Variants in TMEM132D observed in about 807,000 individuals in gnomAD.
TMEM132D encodes mature OL transmembrane protein.
Under a neutral mutation model 62.3 loss-of-function variants are expected in TMEM132D, and 21 were observed. That is an observed-to-expected ratio of 0.34 (90% CI 0.24 to 0.49). TMEM132D has a LOEUF of 0.49. TMEM132D is among the 20% of genes least tolerant of loss of function. TMEM132D has a pLI of 0.99. For missense variants in TMEM132D, 1,346 were observed against 1,402.8 expected (o/e 0.96, Z 0.65); for synonymous variants, 621 against 575.6 (o/e 1.08, Z -1.13).
chr12:129,645,927 T>C (rs953230299), intron 2 of TMEM132D, among the ~76,000 whole-genome samples: 2 of 152,088 alleles, frequency 1.3e-5, no homozygotes, highest in African/African-American at 4.8e-5. Context: ...AACCCTCAGT[T>C]CCAGGAACTC....
intron 5 of TMEM132D, among the ~76,000 whole-genome samples, chr12:129,164,612 T>TA: frequency 6.6e-6 from 1 of 152,294 alleles, no homozygotes; most frequent in Middle Eastern, 3.4e-3. Flanking sequence ...TCAGGAAACT[T>TA]ACAATCATGG....
chr12:129,647,098 C>A (rs1225103218), intron 2 of TMEM132D, among the ~76,000 whole-genome samples: 1 of 109,680 alleles, frequency 9.1e-6, no homozygotes, highest in East Asian at 2.2e-4. Flanking sequence ...CTGCGCCCAA[C>A]CACATGTTTT....
At chr12:129,231,794 T>A (rs1879647757) in intron 4 of TMEM132D, among the ~76,000 whole-genome samples, 2 of 152,142 alleles carry the variant, frequency 1.3e-5, no homozygotes, top group South Asian at 4.1e-4. Context: ...AATAATTACA[T>A]GAGAAAACAT....
intron 2 of TMEM132D, among the ~76,000 whole-genome samples, chr12:129,619,375 CTG>C (rs1358451381): frequency 6.6e-6 from 1 of 152,312 alleles, no homozygotes; most frequent in South Asian, 2.1e-4. Flanking sequence ...TTTTATCACA[CTG>C]TGATAGCAGA....
At chr12:129,780,855 T>A (rs546953427) in intron 1 of TMEM132D, among the ~76,000 whole-genome samples, 1 of 152,298 alleles carries the variant, frequency 6.6e-6, no homozygotes, top group Non-Finnish European at 1.5e-5. Context: ...TTAATAACCA[T>A]GTTTCTGGGG....
At chr12:129,196,826 C>T (rs1878564344) in intron 5 of TMEM132D, among the ~76,000 whole-genome samples, 1 of 152,088 alleles carries the variant, frequency 6.6e-6, no homozygotes, top group African/African-American at 2.4e-5. Context: ...ACAATCTCAC[C>T]TAGAAATGCA....
At chr12:129,088,094 C>T (rs1159759872) in intron 5 of TMEM132D, among the ~76,000 whole-genome samples, 1 of 59,230 alleles carries the variant, frequency 1.7e-5, no homozygotes, top group Non-Finnish European at 3.0e-5. Flanking sequence ...GGGTGTCCTC[C>T]CTGACCGGGG....
intron 4 of TMEM132D, among the ~76,000 whole-genome samples, chr12:129,331,848 T>C (rs1409670509): frequency 1.3e-5 from 2 of 152,166 alleles, no homozygotes; most frequent in Non-Finnish European, 2.9e-5. Context: ...TTGAAGAACT[T>C]TGAGAAACGG....
rs56805583 is a variant in TMEM132D at position 129,193,157 on chromosome 12, CAAAAAA to C, written c.1443+16357_1443+16362del. ...TGGGTGACAGAGTGAGATTCTGTCTCAAAAAAAAAAAAAAAAAAAAAGATACAACAG... is the reference window on the plus strand; with the variant it reads ...TGGGTGACAGAGTGAGATTCTGTCTCAAAAAAAAAAAAAAAGATACAACAG... On this transcript the variant is annotated intron_variant, in intron 5 of 8. Coordinates refer to ENST00000422113, the MANE Select transcript of TMEM132D (RefSeq NM_133448.3). Among the ~76,000 whole-genome samples the C allele has an allele frequency of 2.2e-4, 25 of 114,938 alleles. 1 individual carries two copies. Among genetic ancestry groups the C allele is most frequent in the East Asian group, 7.6e-4 (3 of 3,932 alleles). The allele number at this position is 114,938 out of a possible 152,430, so 75.4% of individuals were successfully genotyped here.
chr12:129,166,760 CACATATATATATATACATATATATATAT>C (rs1877571772), intron 5 of TMEM132D, among the ~76,000 whole-genome samples: 3 of 145,088 alleles, frequency 2.1e-5, no homozygotes, highest in Non-Finnish European at 1.5e-5. Context: ...CATACACACA[CACATATATATATATACATATATATATAT>C]ATATATATAT....
intron 2 of TMEM132D, among the ~76,000 whole-genome samples, chr12:129,591,191 C>T (rs1878179337): frequency 6.6e-6 from 1 of 152,166 alleles, no homozygotes; most frequent in South Asian, 2.1e-4. Context: ...GTTGAGGGCC[C>T]AGTGAGTCAG....
intron 3 of TMEM132D, among the ~76,000 whole-genome samples, chr12:129,504,988 C>G (rs1352779452): frequency 2.0e-5 from 3 of 152,168 alleles, no homozygotes; most frequent in African/African-American, 7.2e-5. Flanking sequence ...AATTCAAGAA[C>G]AGGTTACTTA....
At chr12:129,147,261 T>TATGTGCATATGTATATATATATAC (rs1876931726) in intron 5 of TMEM132D, among the ~76,000 whole-genome samples, 7 of 142,412 alleles carry the variant, frequency 4.9e-5, no homozygotes, top group South Asian at 4.5e-4. Flanking sequence ...TATATATACA[T>TATGTGCATATGTATATATATATAC]ATGTGCATAT....
intron 2 of TMEM132D, among the ~76,000 whole-genome samples, chr12:129,556,188 C>A (rs1566108455): frequency 2.0e-5 from 3 of 152,170 alleles, no homozygotes; most frequent in South Asian, 4.1e-4. Context: ...TTGGGAAGAA[C>A]AGTCATGCTC....
intron 5 of TMEM132D, among the ~76,000 whole-genome samples, chr12:129,161,890 C>T (rs548107123): frequency 2.6e-5 from 4 of 152,146 alleles, no homozygotes; most frequent in Non-Finnish European, 5.9e-5. Flanking sequence ...AAAATCATAT[C>T]GAAATGTTGA....
At chr12:129,413,756 C>T (rs1025197089) in intron 3 of TMEM132D, among the ~76,000 whole-genome samples, 2 of 152,166 alleles carry the variant, frequency 1.3e-5, no homozygotes, top group South Asian at 4.1e-4. Context: ...GGAGCTTACA[C>T]TCAATTCTAG....
intron 4 of TMEM132D, among the ~76,000 whole-genome samples, chr12:129,233,888 A>AT (rs1179209007): frequency 6.6e-6 from 1 of 152,174 alleles, no homozygotes; most frequent in African/African-American, 2.4e-5. Context: ...TAAAGTATAT[A>AT]TTTTTTGAAA....
chr12:129,126,329 C>T (rs1876211744), intron 5 of TMEM132D, among the ~76,000 whole-genome samples: 1 of 150,880 alleles, frequency 6.6e-6, no homozygotes, highest in Non-Finnish European at 1.5e-5. Context: ...GCAGCTATCA[C>T]TTTCATTCTC....
intron 3 of TMEM132D, among the ~76,000 whole-genome samples, chr12:129,394,632 G>A (rs1871372290): frequency 6.6e-6 from 1 of 152,284 alleles, no homozygotes; most frequent in Admixed American, 6.5e-5. Context: ...TAGCCGCGTA[G>A]ACGCTGGGTG....
Sources: allele counts gnomAD v4.1 joint callset (sites outside exome capture counted in the v4.1 genomes callset), GRCh38; gene constraint gnomAD v4.1.1; transcripts MANE v1.5; gene names NCBI Gene and HGNC (gene_info 2026-07-23, HGNC 2026-07-21).